Variants in CA8 observed in about 807,000 individuals in gnomAD.
CA8 encodes carbonic anhydrase-related protein.
In CA8, 22 loss-of-function variants were observed where a neutral mutation model predicts 41.4. That is an observed-to-expected ratio of 0.53 (90% CI 0.38 to 0.76). The LOEUF is 0.76. Ranked by LOEUF, CA8 falls within the 30% of genes least tolerant of loss-of-function variation. The probability of loss-of-function intolerance (pLI) is 0.00; values close to 1 mark genes in which losing one functional copy is unlikely to be tolerated. For synonymous variants in CA8, 121 were observed against 130.6 expected (o/e 0.93, Z 0.50); for missense variants, 270 against 352.8 (o/e 0.77, Z 1.88).
chr8:60,274,276 G>T (rs1444354072), intron 2 of CA8, among the ~76,000 whole-genome samples: 2 of 152,060 alleles, frequency 1.3e-5, no homozygotes, highest in Non-Finnish European at 2.9e-5. Context: ...ACTAAATGAA[G>T]AGGGCACAAC....
intron 8 of CA8, among the ~76,000 whole-genome samples, chr8:60,194,776 C>T (rs1406515962): frequency 1.3e-5 from 2 of 152,134 alleles, no homozygotes; most frequent in Non-Finnish European, 2.9e-5. Flanking sequence ...TGTTACAAGA[C>T]CATCTGCTTC....
At chr8:60,274,251 C>G (rs1234392599) in intron 2 of CA8, among the ~76,000 whole-genome samples, 1 of 152,034 alleles carries the variant, frequency 6.6e-6, no homozygotes, top group Non-Finnish European at 1.5e-5. Flanking sequence ...TATCTGCCCT[C>G]CCTCCTCAAT....
intron 8 of CA8, 109 bp downstream of exon 8, chr8:60,208,641 A>C (rs1166030255): frequency 1.1e-6 from 1 of 912,208 alleles, no homozygotes; most frequent in African/African-American, 1.6e-5. Flanking sequence ...ATCAAGATGA[A>C]GTACATACGC....
chr8:60,239,753 A>T (rs1261978631), intron 3 of CA8, among the ~76,000 whole-genome samples: 1 of 152,170 alleles, frequency 6.6e-6, no homozygotes, highest in African/African-American at 2.4e-5. Context: ...AAGATAATCA[A>T]ATCTTGGGAG....
intron 8 of CA8, among the ~76,000 whole-genome samples, chr8:60,198,212 A>G (rs1437920035): frequency 6.6e-6 from 1 of 152,168 alleles, no homozygotes; most frequent in Non-Finnish European, 1.5e-5. Flanking sequence ...CAAGTTACTC[A>G]ACGCATCTCA....
At chr8:60,245,257 C>T (rs1436511305) in intron 3 of CA8, among the ~76,000 whole-genome samples, 1 of 151,686 alleles carries the variant, frequency 6.6e-6, no homozygotes, top group East Asian at 1.9e-4. Flanking sequence ...CATAAAGGCA[C>T]ATGTAACCAG....
intron 3 of CA8, among the ~76,000 whole-genome samples, chr8:60,233,695 C>A (rs1242560117): frequency 2.0e-5 from 3 of 152,222 alleles, no homozygotes; most frequent in South Asian, 4.1e-4. Context: ...AAACCACCAA[C>A]AAAGAAGGTC....
chr8:60,272,390 A>C (rs559836735), intron 2 of CA8, among the ~76,000 whole-genome samples: 71 of 84,368 alleles, frequency 8.4e-4, no homozygotes, highest in Non-Finnish European at 1.8e-3. Flanking sequence ...TTTATCCTAC[A>C]AAAAAAAAAA....
At chr8:60,204,768 T>C (rs1806529690) in intron 8 of CA8, among the ~76,000 whole-genome samples, 1 of 152,194 alleles carries the variant, frequency 6.6e-6, no homozygotes, top group South Asian at 2.1e-4. Context: ...CCATGTTAAA[T>C]TATCAGAGGA....
At chr8:60,280,883 G>A (rs1024004845) in intron 1 of CA8, among the ~76,000 whole-genome samples, 165 bp downstream of exon 1, 6 of 152,128 alleles carry the variant, frequency 3.9e-5, no homozygotes, top group Non-Finnish European at 7.4e-5. Flanking sequence ...AGCGCCTCCC[G>A]CCCGAAACGC....
At chr8:60,194,911 T>C (rs762195635) in intron 8 of CA8, among the ~76,000 whole-genome samples, 3 of 152,224 alleles carry the variant, frequency 2.0e-5, no homozygotes, top group Admixed American at 6.5e-5. Context: ...CAAAATTAGT[T>C]GCCTACCTTC....
At chr8:60,237,920 T>C (rs535582066) in intron 3 of CA8, among the ~76,000 whole-genome samples, 20 of 152,342 alleles carry the variant, frequency 1.3e-4, no homozygotes, top group Non-Finnish European at 1.8e-4. Flanking sequence ...GATCCATTAT[T>C]ACTCTGGCAG....
intron 7 of CA8, among the ~76,000 whole-genome samples, chr8:60,217,873 T>C (rs561841019): frequency 2.0e-5 from 3 of 152,328 alleles, no homozygotes; most frequent in East Asian, 3.9e-4. Flanking sequence ...CTCATTGCCA[T>C]GTGACCCACA....
At chr8:60,244,574 CA>C (rs1808154608) in intron 3 of CA8, among the ~76,000 whole-genome samples, 1 of 152,088 alleles carries the variant, frequency 6.6e-6, no homozygotes, top group African/African-American at 2.4e-5. Context: ...GTTTAAAATT[CA>C]GCACTATTTC....
At chr8:60,207,882 A>G (rs1189349450) in intron 8 of CA8, among the ~76,000 whole-genome samples, 1 of 152,156 alleles carries the variant, frequency 6.6e-6, no homozygotes, top group African/African-American at 2.4e-5. Context: ...CAGCCTCCTG[A>G]ATAGTTGGGA....
At chr8:60,253,345 CCCTT>C (rs915460086) in intron 3 of CA8, among the ~76,000 whole-genome samples, 3 of 152,100 alleles carry the variant, frequency 2.0e-5, no homozygotes, top group Non-Finnish European at 2.9e-5. Context: ...CTTTCCAACT[CCCTT>C]TTTTTTCTAT....
At position 60,205,353 on chromosome 8, in the gene CA8, A is replaced by T. The variant is rs1163425807; in HGVS notation, c.*35+3397T>A. Among the ~76,000 whole-genome samples the T allele has an allele frequency of 2.6e-5, 4 of 152,292 alleles. No individual in the cohort carries two copies. In the East Asian group the frequency reaches 5.8e-4, roughly 22 times the overall value. ...TCTTTGAGCGTCAGAACAGCCTTTTAAAAATGGGCTAACACTTTATGAAGT... is the reference window on the plus strand; with the variant it reads ...TCTTTGAGCGTCAGAACAGCCTTTTTAAAATGGGCTAACACTTTATGAAGT... On this transcript the variant is annotated intron_variant, in intron 8 of 8. Transcript: ENST00000317995.
intron 4 of CA8, among the ~76,000 whole-genome samples, chr8:60,228,799 T>C (rs1272810408): frequency 6.6e-6 from 1 of 152,236 alleles, no homozygotes; most frequent in Non-Finnish European, 1.5e-5. Context: ...ATAGTAGCTC[T>C]TAACGACTAT....
chr8:60,236,000 C>T (rs1299374415), intron 3 of CA8, among the ~76,000 whole-genome samples: 1 of 152,192 alleles, frequency 6.6e-6, no homozygotes, highest in African/African-American at 2.4e-5. Context: ...AGCGAAAAAA[C>T]TATGACAGGA....
Sources: allele counts gnomAD v4.1 joint callset (sites outside exome capture counted in the v4.1 genomes callset), GRCh38; gene constraint gnomAD v4.1.1; transcripts MANE v1.5; gene names NCBI Gene and HGNC (gene_info 2026-07-23, HGNC 2026-07-21).